The following MSLN variants were observed in gnomAD, a reference collection of about 807,000 sequenced individuals.
The protein encoded by MSLN is CAK1 antigen.
MSLN carries 82 observed loss-of-function variants against 72.6 expected under a neutral mutation model. The ratio of observed to expected loss-of-function variants is 1.13; its 90% CI spans 0.94 to 1.36. The LOEUF (loss-of-function observed/expected upper bound fraction) is 1.36, where lower values mean the gene tolerates loss of function less well. MSLN is among the 40% of genes most tolerant of loss of function. The pLI is 0.00. For missense variants in MSLN, 1,005 were observed against 847.9 expected (o/e 1.19, Z -2.30); for synonymous variants, 456 against 387.3 (o/e 1.18, Z -2.08).
chr16:762,420 A>G (rs1352026599), intron 2 of MSLN: 1 of 512,286 alleles, frequency 2.0e-6, no homozygotes, highest in Non-Finnish European at 3.5e-6. Context: ...GGTGGGCGCC[A>G]ACTGACTCCT....
intron 4 of MSLN, among the ~76,000 whole-genome samples, 174 bp downstream of exon 4, chr16:763,450 G>A (rs917660798): frequency 3.9e-5 from 6 of 152,266 alleles, no homozygotes; most frequent in Admixed American, 2.0e-4. Context: ...TCCAGGGAGC[G>A]GCAGAGCTGA....
chr16:766,818 C>A lies in MSLN; in HGVS notation c.1373+8C>A. The A allele has an allele frequency of 6.2e-7, 1 of 1,612,396 alleles. No homozygotes were observed. Among genetic ancestry groups the A allele is most frequent in the Non-Finnish European group, 8.5e-7 (1 of 1,179,860 alleles). ...GCCCCCCAGCAGCATCTGGTGAGTC[C>A]CCAGAACTCTGCCCGGCAAGGTGGG... On this transcript the variant is annotated splice_region_variant and intron_variant, in intron 14 of 17. Coordinates refer to ENST00000545450, the MANE Select transcript of MSLN (RefSeq NM_005823.6).
In MSLN at chr16:765,759, C is replaced by G; in HGVS notation, c.864C>G (p.Ile288Met). 1 of 1,600,324 alleles carries G rather than the reference C, an allele frequency of 6.2e-7. No homozygotes were observed. Among genetic ancestry groups the G allele is most frequent in the Non-Finnish European group, 8.5e-7 (1 of 1,179,698 alleles). Residue 288 changes from isoleucine (I) to methionine (M), a missense_variant, in exon 11 of 18, where the codon ATC becomes ATG. Transcript: ENST00000545450. Reference protein sequence around the residue: ...DPSWRQPERTILRPRFRREVE... With the variant: ...DPSWRQPERTMLRPRFRREVE... ...CCTGGCGGCAGCCTGAACGGACCAT[C>G]CTCCGGCCGCGGTTCCGGCGGGAAG...
At chr16:768,072 G>C (rs1367374494) in intron 16 of MSLN, among the ~76,000 whole-genome samples, 1 of 117,484 alleles carries the variant, frequency 8.5e-6, no homozygotes. Context: ...GCACATGGAG[G>C]GGGGGGCAAG....
Position 767,402 on chromosome 16 carries a change from G to A in MSLN, c.1528G>A (p.Ala510Thr). 1 of 1,610,154 alleles carries A rather than the reference G, an allele frequency of 6.2e-7. No individual in the cohort carries two copies. The highest frequency in any genetic ancestry group is 8.5e-7 in the Non-Finnish European group (1 of 1,179,188). ...LGGAPTEDLK[A>T]LSQQNVSMDL... ...TGGGGCCCCCACGGAGGATTTGAAG[G>A]CGCTCAGTCAGCAGAATGTGAGCAT... Residue 510 changes from alanine (A) to threonine (T), a missense_variant, in exon 16 of 18, where the codon GCG (alanine) becomes ACG (threonine). Coordinates refer to ENST00000545450, the MANE Select transcript of MSLN (RefSeq NM_005823.6).
chr16:760,831 A>G lies in MSLN; in HGVS notation c.-112+10A>G, dbSNP rs1334120861. On this transcript the variant is annotated intron_variant, in intron 1 of 17. Transcript: ENST00000545450. ...GGCAGAGGAGGCTCAGGTGTGGCCA[A>G]TCACCCTGCACATCAGAGTTACCCT... The G allele has an allele frequency of 1.3e-5, 2 of 152,350 alleles. No individual in the cohort carries two copies. Among genetic ancestry groups the G allele is most frequent in the South Asian group, 2.1e-4 (1 of 4,840 alleles). The allele number at this position is 152,350 out of a possible 1,614,324, so 9.4% of individuals were successfully genotyped here.
rs1247453791 is a variant in MSLN, at chr16:768,505, G to C, written c.1723G>C (p.Gly575Arg). 1 of 1,592,934 alleles carries C rather than the reference G, an allele frequency of 6.3e-7. No individual in the cohort carries two copies. The highest frequency in any genetic ancestry group is 1.1e-5 in the South Asian group (1 of 88,590). ...GCGGCAGGACGACCTGGACACGCTGGGGCTGGGGCTACAGGGCGGCATCCC... is the reference window on the plus strand; with the variant it reads ...GCGGCAGGACGACCTGGACACGCTGCGGCTGGGGCTACAGGGCGGCATCCC... ...RQRQDDLDTL[G>R]LGLQGGIPNG... The change falls in exon 17 of 18, where the codon GGG (glycine) becomes CGG (arginine). Residue 575 changes from glycine (G) to arginine (R), a missense_variant. By Grantham distance (125) the Gly-to-Arg change is moderately radical. Coordinates refer to ENST00000545450, the MANE Select transcript of MSLN (RefSeq NM_005823.6).
intron 4 of MSLN, 62 bp downstream of exon 4, chr16:763,338 G>A: frequency 7.4e-7 from 1 of 1,347,976 alleles, no homozygotes; most frequent in Non-Finnish European, 1.0e-6. Context: ...GTGCCATGCT[G>A]TGTTCTCTCT....
At position 765,786 on chromosome 16, in the gene MSLN, G is replaced by C; in HGVS notation, c.891G>C (p.Val297=). ...TCCGGCCGCGGTTCCGGCGGGAAGT[G>C]GAGAGTGAGTGCCGTGCCCTGCGCA... ...TILRPRFRRE[V]EKTACPSGKK... The change falls in exon 11 of 18, where the codon GTG becomes GTC. Residue 297 remains valine, a synonymous_variant. Transcript: ENST00000545450. The C allele has an allele frequency of 1.3e-6, 2 of 1,598,592 alleles. No individual in the cohort carries two copies. Among genetic ancestry groups the C allele is most frequent in the Non-Finnish European group, 1.7e-6 (2 of 1,179,472 alleles).
At position 766,964 on chromosome 16, in the gene MSLN, C is replaced by T; in HGVS notation, c.1453C>T (p.Gln485Ter). 2 of 1,612,670 alleles carry T rather than the reference C, an allele frequency of 1.2e-6. No homozygotes were observed. The highest frequency in any genetic ancestry group is 2.2e-5 in the East Asian group (1 of 44,876). ...VLYPKARLAF[Q>*]NMNGSEYFVK... ...CTATCCCAAGGCCCGCCTTGCTTTC[C>T]AGAACATGAACGGGTCCGAATACTT... Residue 485 changes from glutamine (Q) to a stop codon, truncating the protein, a stop_gained, in exon 15 of 18, where the codon CAG (glutamine) becomes TAG (stop). Coordinates refer to ENST00000545450, the MANE Select transcript of MSLN (RefSeq NM_005823.6). LOFTEE classifies it high-confidence loss of function.
chr16:761,426 G>C (rs2041535177), intron 2 of MSLN, among the ~76,000 whole-genome samples: 1 of 152,182 alleles, frequency 6.6e-6, no homozygotes, highest in Non-Finnish European at 1.5e-5. Context: ...AGATTCCAGG[G>C]CCCCCCATGG....
At position 764,982 on chromosome 16, in the gene MSLN, C is replaced by G. The variant is rs2041585529; in HGVS notation, c.456C>G (p.Leu152=). ...SRITKANVDL[L]PRGAPERQRL... is the part of the protein sequence containing the mutation. ...TCACGAAGGCCAATGTGGACCTGCT[C>G]CCGAGGGGGGCTCCCGAGCGACAGC... The change falls in exon 8 of 18, where the codon CTC becomes CTG. Residue 152 remains leucine (L), a synonymous_variant. Transcript: ENST00000545450. 3 of 1,612,356 alleles carry G rather than the reference C, an allele frequency of 1.9e-6. No individual in the cohort carries two copies. The highest frequency in any genetic ancestry group is 2.7e-5 in the African/African-American group (2 of 75,062).
chr16:763,267 G>A lies in MSLN; in HGVS notation c.120G>A (p.Glu40=). The A allele has an allele frequency of 6.5e-7, 1 of 1,542,558 alleles. No homozygotes were observed. The highest frequency in any genetic ancestry group is 8.7e-7 in the Non-Finnish European group (1 of 1,145,346). The part of the protein sequence containing the change: ...WVQPSRTLAG[E]TGQEAAPLDG... ...AGCCCTCGAGGACCCTGGCTGGAGAGACAGGGCAGGTAAGGTCCCCTCTGG... is the reference window on the plus strand; with the variant it reads ...AGCCCTCGAGGACCCTGGCTGGAGAAACAGGGCAGGTAAGGTCCCCTCTGG... The change falls in exon 4 of 18, where the codon GAG becomes GAA. Residue 40 remains glutamate (E), a synonymous_variant. Coordinates refer to ENST00000545450, the MANE Select transcript of MSLN (RefSeq NM_005823.6).
intron 2 of MSLN, among the ~76,000 whole-genome samples, chr16:761,630 G>T (rs907462751): frequency 1.2e-4 from 7 of 58,272 alleles, no homozygotes; most frequent in East Asian, 9.9e-4. Flanking sequence ...TTCTGGCTGT[G>T]GGGGGGGTCT....
chr16:767,491 G>C, intron 16 of MSLN, 21 bp downstream of exon 16: 2 of 1,567,568 alleles, frequency 1.3e-6, no homozygotes, highest in Non-Finnish European at 8.6e-7. Context: ...CGGGAGGAGG[G>C]GCGTGTGGAG....
In MSLN at chr16:768,412, G is replaced by C. The variant is rs772081266; in HGVS notation, c.1630G>C (p.Gly544Arg). 2.0e-6 allele frequency: 3 copies of C among 1,512,358 alleles called. No individual in the cohort carries two copies. Among genetic ancestry groups the C allele is most frequent in the Admixed American group, 4.4e-5 (2 of 45,044 alleles). The allele number at this position is 1,512,358 out of a possible 1,614,324, so 93.7% of individuals were successfully genotyped here. The change falls in exon 17 of 18, where the codon GGA becomes CGA. Residue 544 changes from glycine to arginine, a missense_variant. Physicochemically the swap from Gly to Arg is moderately radical, Grantham distance 125 (BLOSUM62 -2). Coordinates refer to ENST00000545450, the MANE Select transcript of MSLN (RefSeq NM_005823.6). The part of the protein sequence containing the change: ...LTVAEVQKLL[G>R]PHVEGLKAEE... ...TGTGGCTGAGGTGCAGAAACTTCTG[G>C]GACCCCACGTGGAGGGCCTGAAGGC...
Position 763,639 on chromosome 16 carries a change from C to T in MSLN, c.130-3C>T, listed in dbSNP as rs766909205. On this transcript the variant is annotated splice_polypyrimidine_tract_variant and splice_region_variant and intron_variant, in intron 4 of 17. Transcript: ENST00000545450. ...CCATGTTCAGCAGGCCCTGTGTCCC[C>T]AGGAGGCTGCGCCCCTGGACGGAGT... 5.6e-6 allele frequency: 9 copies of T among 1,600,046 alleles called. No individual in the cohort carries two copies. The African/African-American group carries it at 1.1e-4, about 19-fold the overall frequency.
In MSLN at chr16:766,939, C is replaced by G. The variant is rs371356000; in HGVS notation, c.1428C>G (p.Leu476=). Residue 476 remains leucine, a synonymous_variant, in exon 15 of 18, where the codon CTC becomes CTG. Transcript: ENST00000545450. ...GTGACCCAAGGCAGCTGGACGTCCT[C>G]TATCCCAAGGCCCGCCTTGCTTTCC... is the stretch of plus-strand genomic sequence containing the variant. The part of the protein sequence containing the change: ...DTCDPRQLDV[L]YPKARLAFQN... The G allele has an allele frequency of 9.9e-6, 16 of 1,612,674 alleles. No homozygotes were observed. The highest frequency in any genetic ancestry group is 1.0e-5 in the Non-Finnish European group (12 of 1,179,890).
At chr16:767,162 C>T in intron 15 of MSLN, 150 bp downstream of exon 15, 1 of 1,350,350 alleles carries the variant, frequency 7.4e-7, no homozygotes, top group East Asian at 2.4e-5. Flanking sequence ...GTGTGTATGG[C>T]CTTAGGGGCT....
Sources: allele counts gnomAD v4.1 joint callset (sites outside exome capture counted in the v4.1 genomes callset), GRCh38; gene constraint gnomAD v4.1.1; transcripts MANE v1.5; gene names NCBI Gene and HGNC (gene_info 2026-07-23, HGNC 2026-07-21).